MFSD2B: variants seen among roughly 807,000 people sequenced by gnomAD.
MFSD2B encodes sphingosine-1-phosphate transporter MFSD2B.
A neutral mutation model predicts 58.4 loss-of-function variants in MFSD2B; 56 were observed. The observed-to-expected ratio is 0.96, with a 90% CI of 0.77 to 1.20. MFSD2B has a LOEUF of 1.20. Ranked by LOEUF, MFSD2B falls within the 50% of genes most tolerant of loss-of-function variation. The pLI, the probability that MFSD2B is intolerant of heterozygous loss-of-function variation, is 0.00. For missense variants in MFSD2B, 645 were observed against 667.6 expected (o/e 0.97, Z 0.37); for synonymous variants, 287 against 294.4 (o/e 0.97, Z 0.26).
chr2:24,011,831 C>A (rs1200889882), intron 1 of MFSD2B, among the ~76,000 whole-genome samples: 1 of 152,050 alleles, frequency 6.6e-6, no homozygotes, highest in Non-Finnish European at 1.5e-5. Context: ...GCGGTAAGTA[C>A]AACTGAGAGA....
At chr2:24,016,636 A>T (rs939033433) in intron 3 of MFSD2B, among the ~76,000 whole-genome samples, 1 of 152,168 alleles carries the variant, frequency 6.6e-6, no homozygotes, top group African/African-American at 2.4e-5. Context: ...CTGAGAGTGC[A>T]GCTGGAGCTC....
chr2:24,020,390 TG>T lies in MFSD2B; in HGVS notation c.682-1257del, dbSNP rs1412779898. Among the ~76,000 whole-genome samples, 4 of 152,148 alleles carry T rather than the reference TG, an allele frequency of 2.6e-5. No homozygotes were observed. The highest frequency in any genetic ancestry group is 4.4e-5 in the Non-Finnish European group (3 of 68,014). On this transcript the variant is annotated intron_variant, in intron 6 of 13. Coordinates refer to ENST00000338315, the MANE Select transcript of MFSD2B (RefSeq NM_001346880.2). The surrounding 1 kb of genome is among the most constrained non-coding windows in gnomAD (Gnocchi z 4.1). ...CCCAGAGGCAGTGCCCTCCAGAGCATGAGGCCCAGGGCGGTTGCACAGGATG... is the reference window on the plus strand; with the variant it reads ...CCCAGAGGCAGTGCCCTCCAGAGCATAGGCCCAGGGCGGTTGCACAGGATG...
intron 13 of MFSD2B, 48 bp from the exon 14 acceptor site, chr2:24,025,384 G>A (rs1269314932): frequency 1.3e-6 from 2 of 1,525,112 alleles, no homozygotes; most frequent in South Asian, 2.4e-5. Context: ...AGGACAGAGG[G>A]CCCACACCAC....
At chr2:24,019,348 G>A (rs1422866628) in intron 6 of MFSD2B, among the ~76,000 whole-genome samples, 6 of 152,100 alleles carry the variant, frequency 3.9e-5, no homozygotes, top group East Asian at 3.9e-4. Context: ...AAGCCCTCCC[G>A]GGGATTCTGC....
Position 24,021,588 on chromosome 2 carries a change from G to A in MFSD2B, c.682-60G>A, listed in dbSNP as rs142123482. 2.9e-5 allele frequency: 43 copies of A among 1,489,572 alleles called. No homozygotes were observed. Among genetic ancestry groups the A allele is most frequent in the East Asian group, 4.8e-5 (2 of 41,792 alleles). The allele number at this position is 1,489,572 out of a possible 1,614,324, so 92.3% of individuals were successfully genotyped here. A position where few individuals can be genotyped will look rare whatever the true frequency, so the allele number is the denominator to read the frequency against. On this transcript the variant is annotated intron_variant, in intron 6 of 13. Transcript: ENST00000338315. The surrounding 1 kb of genome is among the most constrained non-coding windows in gnomAD (Gnocchi z 5.7). ...GGAGGCAGTACTGCCCTGCCCCTCCGGTGTCACCACCTCCAGGGGTTGAAG... is the reference window on the plus strand; with the variant it reads ...GGAGGCAGTACTGCCCTGCCCCTCCAGTGTCACCACCTCCAGGGGTTGAAG...
In MFSD2B at chr2:24,021,760, G is replaced by GA. The variant is rs1479178043; in HGVS notation, c.772+24dup. ...CCAGGTATGGGGTTTGGTGAGGAGG[G>GA]AAGCAGAAGCTGGGGGCAGGGCTCT... On this transcript the variant is annotated intron_variant, in intron 7 of 13. Transcript: ENST00000338315. The surrounding 1 kb of genome is among the most constrained non-coding windows in gnomAD (Gnocchi z 5.7). 2 of 1,612,662 alleles carry GA rather than the reference G, an allele frequency of 1.2e-6. No homozygotes were observed. The highest frequency in any genetic ancestry group is 1.7e-6 in the Non-Finnish European group (2 of 1,179,268).
In MFSD2B at chr2:24,017,058, C is replaced by T. The variant is rs912679821; in HGVS notation, c.471+90C>T. 46 of 1,508,356 alleles carry T rather than the reference C, an allele frequency of 3.0e-5. No homozygotes were observed. Among genetic ancestry groups the T allele is most frequent in the South Asian group, 5.0e-5 (4 of 79,352 alleles). The allele number at this position is 1,508,356 out of a possible 1,614,324, so 93.4% of individuals were successfully genotyped here. On this transcript the variant is annotated intron_variant, in intron 4 of 13. Transcript: ENST00000338315. This position sits in a 1 kb window ranked among gnomAD's most constrained non-coding sequence, Gnocchi z 4.8. ...AAGTGTGCTGTGGGGGCAGGGCTGCCGCCCTCCCCACCCGCCTGTGCCTGG... is the reference window on the plus strand; with the variant it reads ...AAGTGTGCTGTGGGGGCAGGGCTGCTGCCCTCCCCACCCGCCTGTGCCTGG...
At chr2:24,025,172 G>T (rs1434004386) in intron 13 of MFSD2B, among the ~76,000 whole-genome samples, 1 of 152,202 alleles carries the variant, frequency 6.6e-6, no homozygotes, top group Admixed American at 6.5e-5. Context: ...CCTGCTGAGG[G>T]TGACGGCCTC....
chr2:24,013,029 G>A (rs535250040), intron 1 of MFSD2B: 10 of 338,908 alleles, frequency 3.0e-5, no homozygotes, highest in South Asian at 1.1e-4. Context: ...AAATGATGGC[G>A]GCTTCAGCAG....
rs1035708728 is a variant in MFSD2B at position 24,021,566 on chromosome 2, G to A, written c.682-82G>A. 1.7e-5 allele frequency: 22 copies of A among 1,306,372 alleles called. No individual in the cohort carries two copies. Among genetic ancestry groups the A allele is most frequent in the Non-Finnish European group, 2.3e-5 (21 of 925,368 alleles). 80.9% of individuals were successfully genotyped at this position (1,306,372 alleles called of 1,614,324 possible). On this transcript the variant is annotated intron_variant, in intron 6 of 13. Coordinates refer to ENST00000338315, the MANE Select transcript of MFSD2B (RefSeq NM_001346880.2). The surrounding 1 kb of genome is among the most constrained non-coding windows in gnomAD (Gnocchi z 5.7). ...GTGCCTCCCTCCGCTCCCACTGGGA[G>A]GCAGTACTGCCCTGCCCCTCCGGTG...
Position 24,023,130 on chromosome 2 carries a change from G to T in MFSD2B, c.1060G>T (p.Ala354Ser). 6.2e-7 allele frequency: 1 copy of T among 1,611,332 alleles called. No individual in the cohort carries two copies. ...ACAGCTGGTGTGTGTGTCTCCCCAGGCGATGGTGCCCTTTGCGATCTTGCT... is the reference window on the plus strand; with the variant it reads ...ACAGCTGGTGTGTGTGTCTCCCCAGTCGATGGTGCCCTTTGCGATCTTGCT... ...GKKTSAFGIFAMVPFAILLAA... is the reference protein window; with the variant it reads ...GKKTSAFGIFSMVPFAILLAA... Residue 354 changes from alanine to serine, a missense_variant and splice_region_variant, in exon 11 of 14, where the codon GCG (alanine) becomes TCG (serine). Coordinates refer to ENST00000338315, the MANE Select transcript of MFSD2B (RefSeq NM_001346880.2). The surrounding 1 kb of genome is among the most constrained non-coding windows in gnomAD (Gnocchi z 5.0).
intron 1 of MFSD2B, chr2:24,013,070 TC>T (rs1177028591): frequency 2.0e-5 from 8 of 401,320 alleles, no homozygotes; most frequent in Non-Finnish European, 3.1e-5. Context: ...CAGAAGAACT[TC>T]CCCCCTGGAA....
Position 24,023,650 on chromosome 2 carries a change from ATCT to A in MFSD2B, c.1241_1243del (p.Phe414del), listed in dbSNP as rs772894714. On this transcript the variant is annotated inframe_deletion, in exon 12 of 14. Transcript: ENST00000338315. This position sits in a 1 kb window ranked among gnomAD's most constrained non-coding sequence, Gnocchi z 5.0. ...CCGTCACGGGCCAGGCCTGGAGACC[ATCT>A]TCTACTCCTCCTACGTCTTCTTCAC... is the stretch of plus-strand genomic sequence containing the variant. The A allele has an allele frequency of 4.1e-5, 66 of 1,613,830 alleles. No homozygotes were observed. The highest frequency in any genetic ancestry group is 2.5e-4 in the Admixed American group (15 of 59,992).
At position 24,017,527 on chromosome 2, in the gene MFSD2B, AC is replaced by A; in HGVS notation, c.621del (p.His207GlnfsTer33). On this transcript the variant is annotated frameshift_variant, in exon 6 of 14. Transcript: ENST00000338315. LOFTEE classifies it high-confidence loss of function. This position sits in a 1 kb window ranked among gnomAD's most constrained non-coding sequence, Gnocchi z 4.8. Reference protein sequence around the residue: ...TVHGLIVSGAHRPHRCEATAT... With the variant: ...TVHGLIVSGAXRPHRCEATAT... ...CACGGGCTCATCGTGTCCGGCGCCC[AC>A]AGACCCCACAGGTGCGAGGCCACTG... is the stretch of plus-strand genomic sequence containing the variant. 1 of 1,579,072 alleles carries A rather than the reference AC, an allele frequency of 6.3e-7. No individual in the cohort carries two copies.
Position 24,016,322 on chromosome 2 carries a change from T to G in MFSD2B, c.347+42T>G. ...TCCTTAGGATCCAGGCACCTGGTCC[T>G]GGCCCTGAGGTCACTGTTTGTCACA... On this transcript the variant is annotated intron_variant, in intron 3 of 13. Coordinates refer to ENST00000338315, the MANE Select transcript of MFSD2B (RefSeq NM_001346880.2). The G allele has an allele frequency of 1.9e-6, 3 of 1,594,666 alleles. No individual in the cohort carries two copies. The East Asian group carries it at 6.7e-5, about 36-fold the overall frequency.
Position 24,025,542 on chromosome 2 carries a change from C to A in MFSD2B, c.*86C>A, listed in dbSNP as rs1662952139. On this transcript the variant is annotated 3_prime_UTR_variant, in exon 14 of 14. Coordinates refer to ENST00000338315, the MANE Select transcript of MFSD2B (RefSeq NM_001346880.2). ...CCTCCTCAGCCCTCCAGCACCTGGTCTGGCAGTTTAGTATGTGACCTTTCT... is the reference window on the plus strand; with the variant it reads ...CCTCCTCAGCCCTCCAGCACCTGGTATGGCAGTTTAGTATGTGACCTTTCT... 1 of 1,264,462 alleles carries A rather than the reference C, an allele frequency of 7.9e-7. No individual in the cohort carries two copies. Among genetic ancestry groups the A allele is most frequent in the South Asian group, 1.3e-5 (1 of 78,180 alleles). The allele number at this position is 1,264,462 out of a possible 1,614,324, so 78.3% of individuals were successfully genotyped here. A position where few individuals can be genotyped will look rare whatever the true frequency, so the allele number is the denominator to read the frequency against.
In MFSD2B at chr2:24,023,214, A is replaced by T. The variant is rs1346624602; in HGVS notation, c.1144A>T (p.Ile382Phe). ...CGTGGCCTTTGTATCTGGCGTGAGC[A>T]TTGCTGTGTCCTTGCTGCTACCCTG... Reference protein sequence around the residue: ...YVVAFVSGVSIAVSLLLPWSM... With the variant: ...YVVAFVSGVSFAVSLLLPWSM... Residue 382 changes from isoleucine to phenylalanine, a missense_variant, in exon 11 of 14, where the codon ATT (isoleucine) becomes TTT (phenylalanine). Ile to Phe is a conservative substitution (Grantham distance 21). Coordinates refer to ENST00000338315, the MANE Select transcript of MFSD2B (RefSeq NM_001346880.2). This position sits in a 1 kb window ranked among gnomAD's most constrained non-coding sequence, Gnocchi z 5.0. 1 of 1,613,598 alleles carries T rather than the reference A, an allele frequency of 6.2e-7. No homozygotes were observed. Among genetic ancestry groups the T allele is most frequent in the South Asian group, 1.1e-5 (1 of 91,082 alleles).
At position 24,025,684 on chromosome 2, in the gene MFSD2B, T is replaced by C; in HGVS notation, c.*228T>C. 1.9e-6 allele frequency: 1 copy of C among 538,118 alleles called. No homozygotes were observed. Among genetic ancestry groups the C allele is most frequent in the Non-Finnish European group, 3.3e-6 (1 of 300,220 alleles). The allele number at this position is 538,118 out of a possible 1,614,324, so 33.3% of individuals were successfully genotyped here. A position where few individuals can be genotyped will look rare whatever the true frequency, so the allele number is the denominator to read the frequency against. Reference sequence around the variant, plus strand: ...ACTATCTCAGATAGGCCTGTGCCCCTGACTAGCCCAGTAGCACTTGTCTCT... The same window carrying C: ...ACTATCTCAGATAGGCCTGTGCCCCCGACTAGCCCAGTAGCACTTGTCTCT... On this transcript the variant is annotated 3_prime_UTR_variant, in exon 14 of 14. Transcript: ENST00000338315.
At position 24,017,067 on chromosome 2, in the gene MFSD2B, C is replaced by A; in HGVS notation, c.471+99C>A. On this transcript the variant is annotated intron_variant, in intron 4 of 13. Coordinates refer to ENST00000338315, the MANE Select transcript of MFSD2B (RefSeq NM_001346880.2). This position sits in a 1 kb window ranked among gnomAD's most constrained non-coding sequence, Gnocchi z 4.8. ...GTGGGGGCAGGGCTGCCGCCCTCCC[C>A]ACCCGCCTGTGCCTGGACCATGCCA... 6.8e-7 allele frequency: 1 copy of A among 1,473,506 alleles called. No individual in the cohort carries two copies. Among genetic ancestry groups the A allele is most frequent in the South Asian group, 1.3e-5 (1 of 75,970 alleles). The allele number at this position is 1,473,506 out of a possible 1,614,324, so 91.3% of individuals were successfully genotyped here.
Sources: allele counts gnomAD v4.1 joint callset (sites outside exome capture counted in the v4.1 genomes callset), GRCh38; gene constraint gnomAD v4.1.1; non-coding constraint Gnocchi (gnomAD v3.1); transcripts MANE v1.5; gene names NCBI Gene and HGNC (gene_info 2026-07-23, HGNC 2026-07-21).